Variants in NELL2 observed in about 807,000 individuals in gnomAD.
NELL2 encodes protein kinase C-binding protein NELL2.
In NELL2, 41 loss-of-function variants were observed where a neutral mutation model predicts 109.6. The observed-to-expected ratio is 0.37, with a 90% CI of 0.29 to 0.49. NELL2 has a LOEUF of 0.49. Ranked by LOEUF, NELL2 falls within the 20% of genes least tolerant of loss-of-function variation. The pLI, the probability that NELL2 is intolerant of heterozygous loss-of-function variation, is 0.98. For synonymous variants in NELL2, 355 were observed against 344.7 expected (o/e 1.03, Z -0.33); for missense variants, 900 against 1,008.3 (o/e 0.89, Z 1.45).
intron 15 of NELL2, among the ~76,000 whole-genome samples, chr12:44,554,372 A>G (rs998687458): frequency 1.3e-5 from 2 of 152,202 alleles, no homozygotes; most frequent in East Asian, 3.9e-4. Flanking sequence ...ATACTATATG[A>G]TTATGCTTAC....
intron 12 of NELL2, among the ~76,000 whole-genome samples, chr12:44,686,632 C>T (rs1169568156): frequency 6.6e-6 from 1 of 151,368 alleles, no homozygotes. Flanking sequence ...TTCCTTCTAA[C>T]AGACAGGACC....
intron 15 of NELL2, among the ~76,000 whole-genome samples, chr12:44,559,008 C>T (rs1424378713): frequency 2.0e-5 from 3 of 152,144 alleles, no homozygotes; most frequent in Non-Finnish European, 2.9e-5. Context: ...TCCACCATTA[C>T]TGAAGCTTGA....
chr12:44,843,189 AC>A (rs1273219765), intron 2 of NELL2, among the ~76,000 whole-genome samples: 6 of 152,240 alleles, frequency 3.9e-5, no homozygotes, highest in Admixed American at 2.0e-4. Context: ...TGAAAAAAAA[AC>A]AACCCTCCTA....
intron 15 of NELL2, among the ~76,000 whole-genome samples, chr12:44,562,060 T>A (rs1054821578): frequency 6.6e-6 from 1 of 152,138 alleles, no homozygotes; most frequent in African/African-American, 2.4e-5. Flanking sequence ...AAACAAGCAA[T>A]GTGGAAAGGA....
intron 2 of NELL2, among the ~76,000 whole-genome samples, chr12:44,842,525 T>C (rs1422069573): frequency 6.6e-6 from 1 of 152,228 alleles, no homozygotes; most frequent in Non-Finnish European, 1.5e-5. Flanking sequence ...CTCTGAGAAC[T>C]TGGTATAGCC....
chr12:44,763,376 T>G (rs534787788), intron 9 of NELL2, among the ~76,000 whole-genome samples: 2 of 152,308 alleles, frequency 1.3e-5, no homozygotes, highest in East Asian at 1.9e-4. Flanking sequence ...AAAAGCATGA[T>G]GCTTACCCAC....
chr12:44,562,434 A>T (rs1215891411), intron 15 of NELL2, among the ~76,000 whole-genome samples: 1 of 152,236 alleles, frequency 6.6e-6, no homozygotes, highest in Non-Finnish European at 1.5e-5. Flanking sequence ...AAGGGCTAAT[A>T]TCCAGAATCT....
At chr12:44,630,914 T>C (rs1175441071) in intron 13 of NELL2, among the ~76,000 whole-genome samples, 12 of 152,132 alleles carry the variant, frequency 7.9e-5, no homozygotes, top group Non-Finnish European at 1.5e-5. Flanking sequence ...AATATGGTAC[T>C]CATTCCATGT....
Position 44,690,263 on chromosome 12 carries a change from G to A in NELL2, c.1318+13463C>T, listed in dbSNP as rs549473240. 1.2e-4 allele frequency among the ~76,000 whole-genome samples: 19 copies of A among 152,170 alleles called. No homozygotes were observed. In the East Asian group the frequency reaches 1.5e-3, roughly 12 times the overall value. On this transcript the variant is annotated intron_variant, in intron 12 of 19. Transcript: ENST00000429094. Reference sequence around the variant, plus strand: ...ATACTGATGAAAATAAGCTGAGAACGTAAACACTAAAATTCCTCTCCAGTT... The same window carrying A: ...ATACTGATGAAAATAAGCTGAGAACATAAACACTAAAATTCCTCTCCAGTT...
In NELL2 at chr12:44,607,244, T is replaced by C. The variant is rs767066095; in HGVS notation, c.1588A>G (p.Arg530Gly). The C allele has an allele frequency of 1.9e-6, 3 of 1,612,364 alleles. No homozygotes were observed. In the Admixed American group the frequency reaches 5.0e-5, roughly 27 times the overall value. ...GCGGCAATACAGGCTCCTCCATTCC[T>C]ACAGCCATCTTTGCAAAATGCTAAA... ...TCKAFCKDGC[R>G]NGGACIAANV... is the part of the protein sequence containing the mutation. Residue 530 changes from arginine (R) to glycine (G), a missense_variant, in exon 15 of 20, where the codon AGG becomes GGG. Arg to Gly is a moderately radical substitution (Grantham distance 125). Transcript: ENST00000429094.
At chr12:44,674,873 T>C (rs1470048145) in intron 12 of NELL2, among the ~76,000 whole-genome samples, 1 of 152,174 alleles carries the variant, frequency 6.6e-6, no homozygotes, top group Admixed American at 6.5e-5. Flanking sequence ...TCTGAAAGTA[T>C]TTTATTAAGT....
intron 9 of NELL2, among the ~76,000 whole-genome samples, chr12:44,721,069 G>C (rs1938744080): frequency 6.6e-6 from 1 of 152,218 alleles, no homozygotes; most frequent in Non-Finnish European, 1.5e-5. Context: ...CTCTAGGTTA[G>C]AGAATGTATA....
chr12:44,758,697 A>C (rs986264834), intron 9 of NELL2, among the ~76,000 whole-genome samples: 2 of 152,178 alleles, frequency 1.3e-5, no homozygotes, highest in African/African-American at 4.8e-5. Context: ...AATTCATTCA[A>C]TATAAACTCA....
At chr12:44,636,986 T>C (rs913549866) in intron 13 of NELL2, among the ~76,000 whole-genome samples, 6 of 152,104 alleles carry the variant, frequency 3.9e-5, no homozygotes, top group African/African-American at 1.4e-4. Context: ...GTTGGGAGGG[T>C]GTATGTGTCC....
intron 15 of NELL2, among the ~76,000 whole-genome samples, chr12:44,566,801 G>A (rs755487246): frequency 1.3e-5 from 2 of 151,792 alleles, no homozygotes; most frequent in Admixed American, 1.3e-4. Context: ...AAATTATGAA[G>A]TACTCTATTT....
chr12:44,659,265 C>T (rs1307863430), intron 13 of NELL2, among the ~76,000 whole-genome samples: 1 of 152,130 alleles, frequency 6.6e-6, no homozygotes, highest in African/African-American at 2.4e-5. Flanking sequence ...CTAGGCAATA[C>T]CATTCAGGAC....
intron 3 of NELL2, among the ~76,000 whole-genome samples, chr12:44,804,236 T>G (rs188751188): frequency 3.4e-4 from 52 of 152,038 alleles, no homozygotes; most frequent in African/African-American, 1.0e-3. Context: ...AAAGGAAAGA[T>G]GACAGCATGT....
At chr12:44,737,879 C>T (rs979263433) in intron 9 of NELL2, among the ~76,000 whole-genome samples, 16 of 147,138 alleles carry the variant, frequency 1.1e-4, no homozygotes, top group Non-Finnish European at 2.0e-4. Context: ...AAAGGGCAAA[C>T]GGTTGGCTGC....
rs772836820 is a variant in NELL2 at position 44,611,005 on chromosome 12, T to A, written c.1445-35A>T. On this transcript the variant is annotated intron_variant, in intron 13 of 19. Coordinates refer to ENST00000429094, the MANE Select transcript of NELL2 (RefSeq NM_001145108.2). ...GGAATACAATTTTGTTACTCAAAGT[T>A]ATATTTCCAAAGCTATATTTTAAAC... 4.4e-6 allele frequency: 7 copies of A among 1,604,786 alleles called. No homozygotes were observed. In the Admixed American group the frequency reaches 6.7e-5, roughly 15 times the overall value.
Sources: allele counts gnomAD v4.1 joint callset (sites outside exome capture counted in the v4.1 genomes callset), GRCh38; gene constraint gnomAD v4.1.1; transcripts MANE v1.5; gene names NCBI Gene and HGNC (gene_info 2026-07-23, HGNC 2026-07-21).